Variants in DACH1 observed in about 807,000 individuals in gnomAD.
The protein encoded by DACH1 is dachshund family transcription factor 1, also known as dachshund homolog 1.
Under a neutral mutation model 54.2 loss-of-function variants are expected in DACH1, and 12 were observed. That is an observed-to-expected ratio of 0.22 (90% CI 0.14 to 0.36). DACH1 has a LOEUF of 0.36. Among genes scored for constraint, DACH1 ranks in the 10% least tolerant of loss-of-function variants. The probability of loss-of-function intolerance (pLI) is 1.00; values close to 1 mark genes in which losing one functional copy is unlikely to be tolerated. For missense variants in DACH1, 805 were observed against 929.8 expected, an observed-to-expected ratio of 0.87 and a Z score of 1.75; for synonymous variants, 386 against 366.2, an observed-to-expected ratio of 1.05 and a Z score of -0.62.
At position 71,537,381 on chromosome 13, in the gene DACH1, CTAATA is replaced by C. The variant is rs561294352; in HGVS notation, c.1570+19638_1570+19642del. ...TTATCTGTCATACACAAAACACCAACTAATATAAGTTCATATGTTCGTTTCTGTGT... is the reference window on the plus strand; with the variant it reads ...TTATCTGTCATACACAAAACACCAACTAAGTTCATATGTTCGTTTCTGTGT... On this transcript the variant is annotated intron_variant, in intron 6 of 10. Transcript: ENST00000613252. Among the ~76,000 whole-genome samples the C allele has an allele frequency of 3.0e-4, 46 of 152,232 alleles. No individual in the cohort carries two copies. The South Asian group carries it at 8.7e-3, about 29-fold the overall frequency.
intron 1 of DACH1, chr13:71,704,197 GA>G: frequency 4.3e-6 from 1 of 232,372 alleles, no homozygotes; most frequent in Non-Finnish European, 8.6e-6. Context: ...AAAACAAAGG[GA>G]AAGAAGAGAG....
At position 71,718,575 on chromosome 13, in the gene DACH1, G is replaced by GAA. The variant is rs11318583; in HGVS notation, c.849-36667_849-36666dup. Among the ~76,000 whole-genome samples, 882 of 133,872 alleles carry GAA rather than the reference G, an allele frequency of 6.6e-3. 9 individuals are homozygous for GAA. The highest frequency in any genetic ancestry group is 0.014 in the East Asian group (63 of 4,524). The allele number at this position is 133,872 out of a possible 152,430, so 87.8% of individuals were successfully genotyped here. A position where few individuals can be genotyped will look rare whatever the true frequency, so the allele number is the denominator to read the frequency against. On this transcript the variant is annotated intron_variant, in intron 1 of 10. Coordinates refer to ENST00000613252, the MANE Select transcript of DACH1 (RefSeq NM_080759.6). ...CGGATGACAGAGCAAGACCATATCT[G>GAA]AAAAAAAAAAAAAAAAATAGAAATC...
intron 2 of DACH1, among the ~76,000 whole-genome samples, chr13:71,676,311 G>A (rs986746502): frequency 2.6e-5 from 4 of 151,974 alleles, no homozygotes; most frequent in Admixed American, 6.6e-5. Flanking sequence ...TCCTCTTTCC[G>A]AGTTCAGGCG....
At chr13:71,746,105 C>A (rs1431246396) in intron 1 of DACH1, among the ~76,000 whole-genome samples, 2 of 152,068 alleles carry the variant, frequency 1.3e-5, no homozygotes, top group Non-Finnish European at 2.9e-5. Context: ...GTAACCCCAG[C>A]TACTTGGGAG....
At chr13:71,562,002 T>C (rs969985919) in intron 4 of DACH1, among the ~76,000 whole-genome samples, 2 of 151,134 alleles carry the variant, frequency 1.3e-5, no homozygotes, top group Non-Finnish European at 3.0e-5. Flanking sequence ...GACAAAACAA[T>C]ATTGTAAAGG....
intron 1 of DACH1, among the ~76,000 whole-genome samples, chr13:71,790,250 C>A (rs3861113): frequency 0.16 from 23,635 of 151,918 alleles, 3,637 homozygotes; most frequent in East Asian, 0.84. Flanking sequence ...CAAACGAATG[C>A]TTTAGTCGAA....
At chr13:71,833,137 A>C (rs1888658050) in intron 1 of DACH1, among the ~76,000 whole-genome samples, 1 of 151,910 alleles carries the variant, frequency 6.6e-6, no homozygotes, top group Admixed American at 6.6e-5. Flanking sequence ...ACATTGATGT[A>C]AAAGAATCCT....
intron 1 of DACH1, among the ~76,000 whole-genome samples, chr13:71,716,102 A>G (rs978671768): frequency 9.2e-5 from 14 of 151,984 alleles, no homozygotes; most frequent in African/African-American, 3.1e-4. Context: ...AATCCCCAAA[A>G]CCAGAGCCCA....
Position 71,630,557 on chromosome 13 carries a change from G to C in DACH1, c.1125C>G (p.Val375=), listed in dbSNP as rs144078930. The C allele has an allele frequency of 1.2e-3, 1,820 of 1,582,204 alleles. 40 individuals carry two copies. The Admixed American group carries it at 0.032, about 28-fold the overall frequency. Residue 375 remains valine (V), a splice_region_variant and synonymous_variant, in exon 3 of 11, where the codon GTC becomes GTG. Transcript: ENST00000613252. ...DSENGDMNSS[V]GLELPFMMMP... ...AGTTTCAGCGAACATAAAACTTACC[G>C]ACACTTGAATTCATGTCCCCGTTTT...
chr13:71,780,433 T>C (rs1476003816), intron 1 of DACH1, among the ~76,000 whole-genome samples: 1 of 152,160 alleles, frequency 6.6e-6, no homozygotes, highest in Non-Finnish European at 1.5e-5. Context: ...TTATTTTGTT[T>C]ATCCCTTATA....
intron 1 of DACH1, among the ~76,000 whole-genome samples, chr13:71,766,167 T>G (rs1449394454): frequency 6.6e-6 from 1 of 152,208 alleles, no homozygotes; most frequent in Non-Finnish European, 1.5e-5. Context: ...ATTACAGGCG[T>G]GAGCCACCAC....
chr13:71,557,891 C>A (rs1593891132), intron 5 of DACH1, among the ~76,000 whole-genome samples: 1 of 143,820 alleles, frequency 7.0e-6, no homozygotes. Context: ...GACTAAGGAA[C>A]TGTTCCAGAT....
chr13:71,767,081 ATAAT>A (rs1253986469), intron 1 of DACH1, among the ~76,000 whole-genome samples: 4 of 152,068 alleles, frequency 2.6e-5, no homozygotes, highest in African/African-American at 4.8e-5. Flanking sequence ...CATTTTCCTA[ATAAT>A]TAATTACTTA....
chr13:71,621,642 G>A (rs1021582408), intron 3 of DACH1, among the ~76,000 whole-genome samples: 2 of 151,972 alleles, frequency 1.3e-5, no homozygotes, highest in African/African-American at 4.8e-5. Flanking sequence ...CTGCTTTTGA[G>A]ATAAAGATGT....
chr13:71,497,077 C>T (rs1879501336), intron 6 of DACH1, among the ~76,000 whole-genome samples: 1 of 152,064 alleles, frequency 6.6e-6, no homozygotes, highest in South Asian at 2.1e-4. Flanking sequence ...AAGAACCTGT[C>T]TCTTATTTGA....
chr13:71,574,249 C>G (rs1422270873), intron 3 of DACH1, among the ~76,000 whole-genome samples: 1 of 152,034 alleles, frequency 6.6e-6, no homozygotes, highest in Admixed American at 6.6e-5. Flanking sequence ...CTTATTAGAA[C>G]ACTCCTTGGA....
intron 1 of DACH1, among the ~76,000 whole-genome samples, chr13:71,819,879 C>T (rs1888117888): frequency 6.6e-6 from 1 of 151,818 alleles, no homozygotes; most frequent in Non-Finnish European, 1.5e-5. Flanking sequence ...AAAAATATAA[C>T]ACAATGTGAC....
intron 6 of DACH1, among the ~76,000 whole-genome samples, chr13:71,510,322 C>T (rs1239464525): frequency 6.6e-6 from 1 of 151,958 alleles, no homozygotes; most frequent in Admixed American, 6.6e-5. Flanking sequence ...AATTTATTTG[C>T]GTTAGCTCAG....
At chr13:71,840,426 A>G (rs932231888) in intron 1 of DACH1, among the ~76,000 whole-genome samples, 2 of 152,136 alleles carry the variant, frequency 1.3e-5, no homozygotes, top group African/African-American at 4.8e-5. Flanking sequence ...CAAATTCCTT[A>G]ATTATATCAC....
Sources: allele counts gnomAD v4.1 joint callset (sites outside exome capture counted in the v4.1 genomes callset), GRCh38; gene constraint gnomAD v4.1.1; transcripts MANE v1.5; gene names NCBI Gene and HGNC (gene_info 2026-07-23, HGNC 2026-07-21).